Variants in CYP7B1 observed in about 807,000 individuals in gnomAD.
The protein encoded by CYP7B1 is cytochrome P450 family 7 subfamily B member 1.
CYP7B1 carries 29 observed loss-of-function variants against 42.7 expected under a neutral mutation model. The ratio of observed to expected loss-of-function variants is 0.68; its 90% CI spans 0.51 to 0.93. CYP7B1 has a LOEUF of 0.93. CYP7B1 is among the 40% of genes least tolerant of loss of function. The probability of loss-of-function intolerance (pLI) is 0.00; values close to 1 mark genes in which losing one functional copy is unlikely to be tolerated. For synonymous variants in CYP7B1, 235 were observed against 218.2 expected (o/e 1.08, Z -0.68); for missense variants, 655 against 600.5 (o/e 1.09, Z -0.95).
At chr8:64,694,868 C>T (rs962950526) in intron 1 of CYP7B1, among the ~76,000 whole-genome samples, 2 of 152,116 alleles carry the variant, frequency 1.3e-5, no homozygotes, top group African/African-American at 2.4e-5. Context: ...AATGTAGGAA[C>T]AAAAGTTATA....
chr8:64,720,154 T>G lies in CYP7B1; in HGVS notation c.122+78312A>C, dbSNP rs550103401. Among the ~76,000 whole-genome samples, 3 of 152,342 alleles carry G rather than the reference T, an allele frequency of 2.0e-5. No individual in the cohort carries two copies. The East Asian group carries it at 5.8e-4, about 29-fold the overall frequency. On this transcript the variant is annotated intron_variant, in intron 1 of 5. Transcript: ENST00000310193. The stretch of plus-strand genomic sequence containing the variant: ...CACTGAATAGCTAAGGATTTTTTAA[T>G]GTGCCCATTATAAATAGAGATTTTT...
In CYP7B1 at chr8:64,596,864, T is replaced by C. The variant is rs764799173; in HGVS notation, c.1299A>G (p.Lys433=). 1 of 1,614,004 alleles carries C rather than the reference T, an allele frequency of 6.2e-7. No individual in the cohort carries two copies. The highest frequency in any genetic ancestry group is 1.1e-5 in the South Asian group (1 of 91,018). Reference sequence around the variant, plus strand: ...ACGGCATTAGGTAACACTTCAGCTTTTTCCCTCTTTTGAAAAAGGTGGTTT... The same window carrying C: ...ACGGCATTAGGTAACACTTCAGCTTCTTCCCTCTTTTGAAAAAGGTGGTTT... ...KKKTTFFKRG[K]KLKCYLMPFG... The change falls in exon 6 of 6, where the codon AAA becomes AAG. Residue 433 remains lysine (K), a synonymous_variant. Transcript: ENST00000310193.
At chr8:64,717,113 T>C (rs1807167187) in intron 1 of CYP7B1, among the ~76,000 whole-genome samples, 1 of 152,246 alleles carries the variant, frequency 6.6e-6, no homozygotes, top group South Asian at 2.1e-4. Context: ...TGGGATACTA[T>C]GTCTGATATT....
chr8:64,758,177 A>G (rs1277704612), intron 1 of CYP7B1, among the ~76,000 whole-genome samples: 3 of 152,152 alleles, frequency 2.0e-5, no homozygotes, highest in African/African-American at 7.2e-5. Flanking sequence ...AAGGGGCAGT[A>G]GAGAGTCCAC....
At chr8:64,755,616 A>T (rs963878780) in intron 1 of CYP7B1, among the ~76,000 whole-genome samples, 2 of 151,966 alleles carry the variant, frequency 1.3e-5, no homozygotes, top group Non-Finnish European at 2.9e-5. Flanking sequence ...ACGGGGTTTC[A>T]CCATGTTGGT....
intron 1 of CYP7B1, among the ~76,000 whole-genome samples, chr8:64,684,076 G>C (rs182807208): frequency 3.0e-4 from 46 of 152,312 alleles, no homozygotes; most frequent in Non-Finnish European, 5.4e-4. Context: ...TACAGGGTAT[G>C]ATCTGTCTCG....
chr8:64,708,287 A>G (rs1236739542), intron 1 of CYP7B1, among the ~76,000 whole-genome samples: 1 of 152,180 alleles, frequency 6.6e-6, no homozygotes, highest in Non-Finnish European at 1.5e-5. Context: ...GTTCAATGAC[A>G]TCCCCTTCTG....
At chr8:64,658,388 A>T (rs1171652014) in intron 1 of CYP7B1, among the ~76,000 whole-genome samples, 1 of 151,984 alleles carries the variant, frequency 6.6e-6, no homozygotes, top group Non-Finnish European at 1.5e-5. Flanking sequence ...AAACACTGAG[A>T]AGTAAAGTTT....
chr8:64,624,597 G>A (rs536590898), intron 1 of CYP7B1, 58 bp from the exon 2 acceptor site: 120 of 1,590,118 alleles, frequency 7.5e-5, no homozygotes, highest in African/African-American at 3.1e-4. Flanking sequence ...ATTCTTATTC[G>A]AATACAGGTG....
intron 1 of CYP7B1, among the ~76,000 whole-genome samples, chr8:64,737,109 T>C (rs1275672072): frequency 6.6e-6 from 1 of 152,184 alleles, no homozygotes; most frequent in Non-Finnish European, 1.5e-5. Context: ...AAAATCTATT[T>C]TGTGTGTGTG....
intron 1 of CYP7B1, among the ~76,000 whole-genome samples, chr8:64,742,584 C>T (rs983225056): frequency 7.9e-5 from 12 of 152,110 alleles, no homozygotes; most frequent in African/African-American, 2.9e-4. Flanking sequence ...TTTATTTTCT[C>T]GCAGTTCTGG....
rs919547151 is a variant in CYP7B1 at position 64,798,535 on chromosome 8, C to G, written c.53G>C (p.Gly18Ala). The G allele has an allele frequency of 2.7e-6, 4 of 1,497,974 alleles. No homozygotes were observed. The highest frequency in any genetic ancestry group is 2.6e-6 in the Non-Finnish European group (3 of 1,132,560). 92.8% of individuals were successfully genotyped at this position (1,497,974 alleles called of 1,614,324 possible). The change falls in exon 1 of 6, where the codon GGC becomes GCC. Residue 18 changes from glycine (G) to alanine (A), a missense_variant. Coordinates refer to ENST00000310193, the MANE Select transcript of CYP7B1 (RefSeq NM_004820.5). ...ATGRFSLERL[G>A]LPGLALAAAL... ...CGCGGCGAGGGCCAGGCCCGGGAGG[C>G]CCAACCGCTCCAGCGAAAAGCGGCC...
intron 5 of CYP7B1, 98 bp downstream of exon 5, chr8:64,604,584 C>G (rs1805247337): frequency 6.9e-7 from 1 of 1,443,684 alleles, no homozygotes; most frequent in Non-Finnish European, 9.7e-7. Flanking sequence ...CCTCAAACCC[C>G]TTCTGGACCA....
intron 1 of CYP7B1, among the ~76,000 whole-genome samples, chr8:64,731,214 A>G (rs767448024): frequency 6.6e-6 from 1 of 152,190 alleles, no homozygotes; most frequent in African/African-American, 2.4e-5. Context: ...ATGTGGAAGC[A>G]ACTTTGGAAC....
chr8:64,594,091 T>C lies in CYP7B1; in HGVS notation c.*2551A>G, dbSNP rs1244384971. Among the ~76,000 whole-genome samples, 5 of 150,016 alleles carry C rather than the reference T, an allele frequency of 3.3e-5. No homozygotes were observed. The highest frequency in any genetic ancestry group is 9.8e-5 in the African/African-American group (4 of 40,632). Reference sequence around the variant, plus strand: ...ATCTTAGGAAGAATTAAAGTTATCATGGACTAAATGTGTGTATGTGGGGGG... The same window carrying C: ...ATCTTAGGAAGAATTAAAGTTATCACGGACTAAATGTGTGTATGTGGGGGG... On this transcript the variant is annotated 3_prime_UTR_variant, in exon 6 of 6. Coordinates refer to ENST00000310193, the MANE Select transcript of CYP7B1 (RefSeq NM_004820.5).
At chr8:64,759,050 G>A (rs139041853) in intron 1 of CYP7B1, among the ~76,000 whole-genome samples, 3 of 152,330 alleles carry the variant, frequency 2.0e-5, no homozygotes, top group African/African-American at 7.2e-5. Flanking sequence ...GCTGTACTGT[G>A]AGAAAAGGAA....
chr8:64,647,703 A>C (rs1805974593), intron 1 of CYP7B1, among the ~76,000 whole-genome samples: 1 of 152,128 alleles, frequency 6.6e-6, no homozygotes, highest in African/African-American at 2.4e-5. Context: ...CAGAGAAAAG[A>C]GGAAAATTCC....
At chr8:64,687,865 A>C (rs138361296) in intron 1 of CYP7B1, among the ~76,000 whole-genome samples, 2 of 152,338 alleles carry the variant, frequency 1.3e-5, no homozygotes, top group African/African-American at 4.8e-5. Context: ...CGTTACTTAT[A>C]GGTCTTTTCT....
At chr8:64,619,576 A>G (rs1805497284) in intron 2 of CYP7B1, among the ~76,000 whole-genome samples, 1 of 152,148 alleles carries the variant, frequency 6.6e-6, no homozygotes, top group East Asian at 1.9e-4. Flanking sequence ...CAAATTTTTG[A>G]TATCTTCCTT....
Sources: gnomAD v4.1 joint callset for allele counts (sites outside exome capture counted in the v4.1 genomes callset) on GRCh38, gnomAD v4.1.1 for gene constraint, MANE v1.5 for transcripts, NCBI Gene and HGNC (gene_info 2026-07-23, HGNC 2026-07-21) for gene names.